RNF216: variants seen among roughly 807,000 people sequenced by gnomAD.
The protein encoded by RNF216 is E3 ubiquitin-protein ligase RNF216.
In RNF216, 72 loss-of-function variants were observed where a neutral mutation model predicts 110.8. The ratio of observed to expected loss-of-function variants is 0.65; its 90% CI spans 0.54 to 0.79. The LOEUF (loss-of-function observed/expected upper bound fraction) is 0.79. Ranked by LOEUF, RNF216 falls within the 30% of genes least tolerant of loss-of-function variation. RNF216 has a pLI of 0.00. For synonymous variants in RNF216, 495 were observed against 407.5 expected (o/e 1.21, Z -2.59); for missense variants, 1,342 against 1,141.2 (o/e 1.18, Z -2.54).
intron 15 of RNF216, among the ~76,000 whole-genome samples, chr7:5,638,055 C>T (rs1260380917): frequency 2.0e-5 from 3 of 152,290 alleles, no homozygotes; most frequent in East Asian, 3.9e-4. Flanking sequence ...TCTCCTTTGC[C>T]GCAGTCCCCA....
chr7:5,767,540 C>G (rs188724891), intron 1 of RNF216, among the ~76,000 whole-genome samples: 1 of 152,048 alleles, frequency 6.6e-6, no homozygotes, highest in Non-Finnish European at 1.5e-5. Flanking sequence ...TCCCCAAAAT[C>G]CAACAGCAGA....
In RNF216 at chr7:5,673,843, T is replaced by A. The variant is rs775946237; in HGVS notation, c.2062-21333A>T. The stretch of plus-strand genomic sequence containing the variant: ...CCTAGGAAAGATAGAGAGACCTCCA[T>A]CTCTCTCTTTCTCTCATTTTTTTTT... On this transcript the variant is annotated intron_variant, in intron 13 of 16. Transcript: ENST00000389902. Among the ~76,000 whole-genome samples, 160 of 146,794 alleles carry A rather than the reference T, an allele frequency of 1.1e-3. 13 individuals carry two copies. Among genetic ancestry groups the A allele is most frequent in the Admixed American group, 6.9e-5 (1 of 14,564 alleles).
rs546134293 is a variant in RNF216 at position 5,750,168 on chromosome 7, C to T, written c.201+2678G>A. Among the ~76,000 whole-genome samples the T allele has an allele frequency of 3.9e-5, 6 of 152,244 alleles. No individual in the cohort carries two copies. The South Asian group carries it at 6.2e-4, about 16-fold the overall frequency. On this transcript the variant is annotated intron_variant, in intron 3 of 16. Transcript: ENST00000389902. ...TGTTACCAAGGCTTTGACTGGAATG[C>T]CATATTTCAAAATGTGCAAACAATG...
intron 13 of RNF216, among the ~76,000 whole-genome samples, chr7:5,653,000 C>T (rs1788491555): frequency 6.6e-6 from 1 of 152,138 alleles, no homozygotes; most frequent in African/African-American, 2.4e-5. Context: ...CACAGTAGCA[C>T]GAGCTGCTTG....
rs573427745 is a variant in RNF216 at position 5,633,749 on chromosome 7, T to C, written c.2382+7405A>G. On this transcript the variant is annotated intron_variant, in intron 15 of 16. Transcript: ENST00000389902. The stretch of plus-strand genomic sequence containing the variant: ...GCCTGCTGCATGCAGGTAGGGTGGG[T>C]GGGAGGAAGACGCAGCAAGAGCTTG... Among the ~76,000 whole-genome samples the C allele has an allele frequency of 1.6e-3, 237 of 151,910 alleles. 1 individual carries two copies. Among genetic ancestry groups the C allele is most frequent in the Middle Eastern group, 3.4e-3 (1 of 292 alleles).
rs558070664 is a variant in RNF216, at chr7:5,624,836, C to T, written c.2383-711G>A. On this transcript the variant is annotated intron_variant, in intron 15 of 16. Transcript: ENST00000389902. This position sits in a 1 kb window ranked among gnomAD's most constrained non-coding sequence, Gnocchi z 4.4. ...TGTGCTGGGAAACTCAGGGGCCACA[C>T]TGGGCAAGCCCCAGAGGTTGGGTTT... 9.8e-4 allele frequency among the ~76,000 whole-genome samples: 149 copies of T among 152,264 alleles called. No homozygotes were observed. The highest frequency in any genetic ancestry group is 1.8e-3 in the Non-Finnish European group (121 of 68,044).
Position 5,624,117 on chromosome 7 carries a change from A to G in RNF216, c.2391T>C (p.Asp797=), listed in dbSNP as rs941861619. 2.5e-6 allele frequency: 4 copies of G among 1,613,434 alleles called. No individual in the cohort carries two copies. The highest frequency in any genetic ancestry group is 3.4e-6 in the Non-Finnish European group (4 of 1,179,882). Residue 797 remains aspartate, a synonymous_variant, in exon 16 of 17, where the codon GAT becomes GAC. Transcript: ENST00000389902. The surrounding 1 kb of genome is among the most constrained non-coding windows in gnomAD (Gnocchi z 4.4). ...TCTGGATTTCCTCAATAAGCTTCTC[A>G]TCATCTTCCTAAAACGCAAGCAATG... ...CSLWTDPTED[D]EKLIEEIQKE... is the part of the protein sequence containing the mutation.
In RNF216 at chr7:5,623,156, G is replaced by T. The variant is rs1285509321; in HGVS notation, c.2476C>A (p.Pro826Thr). Residue 826 changes from proline to threonine, a missense_variant, in exon 17 of 17, where the codon CCC (proline) becomes ACC (threonine). Physicochemically the swap from Pro to Thr is conservative, Grantham distance 38. Coordinates refer to ENST00000389902, the MANE Select transcript of RNF216 (RefSeq NM_207111.4). ...NGENTFKRIG[P>T]PLEKPVEKVQ... ...TTCTCCACAGGCTTCTCCAGCGGGG[G>T]TCCAATGCGTTTGAAGGTGTTCTCT... 6.4e-7 allele frequency: 1 copy of T among 1,573,294 alleles called. No homozygotes were observed. The highest frequency in any genetic ancestry group is 1.3e-5 in the African/African-American group (1 of 74,382).
At chr7:5,700,776 C>T (rs2128620636) in intron 13 of RNF216, among the ~76,000 whole-genome samples, 1 of 152,260 alleles carries the variant, frequency 6.6e-6, no homozygotes, top group South Asian at 2.1e-4. Context: ...CAAGGACAGT[C>T]CAAGGTGAGC....
chr7:5,674,458 T>C (rs796588215), intron 13 of RNF216, among the ~76,000 whole-genome samples: 260 of 147,976 alleles, frequency 1.8e-3, no homozygotes, highest in African/African-American at 6.3e-3. Flanking sequence ...CACCCAGCCC[T>C]ACATCTCTTA....
At chr7:5,623,689 C>T (rs929902905) in intron 16 of RNF216, among the ~76,000 whole-genome samples, 5 of 152,122 alleles carry the variant, frequency 3.3e-5, no homozygotes, top group Admixed American at 2.6e-4. Context: ...CCACCTCTGC[C>T]TCCTGAGGAG....
At chr7:5,763,298 T>C (rs1030531912) in intron 1 of RNF216, among the ~76,000 whole-genome samples, 8 of 152,164 alleles carry the variant, frequency 5.3e-5, no homozygotes, top group African/African-American at 1.7e-4. Flanking sequence ...AACTATATAC[T>C]AAAATGGATG....
chr7:5,674,873 T>C (rs1038940470), intron 13 of RNF216, among the ~76,000 whole-genome samples: 1 of 152,008 alleles, frequency 6.6e-6, no homozygotes, highest in Non-Finnish European at 1.5e-5. Flanking sequence ...GGCACGCACC[T>C]GTAATCCCAG....
intron 5 of RNF216, among the ~76,000 whole-genome samples, chr7:5,733,368 T>A (rs776416384): frequency 2.0e-5 from 3 of 152,186 alleles, no homozygotes; most frequent in African/African-American, 4.8e-5. Flanking sequence ...CGTGTGAGAC[T>A]CAGGAAGTAG....
At chr7:5,671,737 G>A (rs1385258091) in intron 13 of RNF216, among the ~76,000 whole-genome samples, 2 of 149,770 alleles carry the variant, frequency 1.3e-5, no homozygotes, top group Non-Finnish European at 2.9e-5. Flanking sequence ...ACTGGAAGGC[G>A]GAGGTTGCAG....
At chr7:5,666,034 C>T (rs894283902) in intron 13 of RNF216, among the ~76,000 whole-genome samples, 7 of 151,942 alleles carry the variant, frequency 4.6e-5, no homozygotes, top group South Asian at 2.1e-4. Context: ...GGCGTGGTGG[C>T]GGGCGCCTGT....
intron 1 of RNF216, among the ~76,000 whole-genome samples, chr7:5,771,336 GAGGTGCAAAAGATACCCTAAAC>G (rs1434184056): frequency 2.0e-5 from 3 of 152,042 alleles, no homozygotes; most frequent in Admixed American, 2.0e-4. Context: ...CACAATCTTA[GAGGTGCAAAAGATACCCTAAAC>G]AGGACATAAA....
intron 5 of RNF216, among the ~76,000 whole-genome samples, chr7:5,734,015 G>A (rs929516197): frequency 4.6e-5 from 7 of 152,126 alleles, no homozygotes; most frequent in Non-Finnish European, 8.8e-5. Flanking sequence ...TTATTATCAT[G>A]CCACTTAGAA....
intron 13 of RNF216, among the ~76,000 whole-genome samples, chr7:5,701,053 G>C (rs1344009282): frequency 6.6e-6 from 1 of 152,084 alleles, no homozygotes; most frequent in African/African-American, 2.4e-5. Flanking sequence ...CTGAGAGAAG[G>C]AGCACAGCAG....
Sources: gnomAD v4.1 joint callset for allele counts (sites outside exome capture counted in the v4.1 genomes callset) on GRCh38, gnomAD v4.1.1 for gene constraint, Gnocchi (gnomAD v3.1) non-coding constraint, MANE v1.5 for transcripts, NCBI Gene and HGNC (gene_info 2026-07-23, HGNC 2026-07-21) for gene names.